Variants in TFEC observed in about 807,000 individuals in gnomAD.
TFEC encodes the protein transcription factor EC.
TFEC carries 31 observed loss-of-function variants against 41.6 expected under a neutral mutation model. The ratio of observed to expected loss-of-function variants is 0.74; its 90% confidence interval spans 0.56 to 1.01. The LOEUF (loss-of-function observed/expected upper bound fraction) is 1.01. Ranked by LOEUF, TFEC falls within the 50% of genes least tolerant of loss-of-function variation. The probability of loss-of-function intolerance (pLI) is 0.00; values close to 1 mark genes in which losing one functional copy is unlikely to be tolerated. For synonymous variants in TFEC, 143 were observed against 140.6 expected (o/e 1.02, Z -0.12); for missense variants, 402 against 404.1 (o/e 0.99, Z 0.04).
At chr7:116,070,791 C>G (rs1195621867) in intron 3 of TFEC, among the ~76,000 whole-genome samples, 1 of 151,068 alleles carries the variant, frequency 6.6e-6, no homozygotes, top group Non-Finnish European at 1.5e-5. Context: ...TTAATAAAAT[C>G]AAAGTTAACA....
intron 3 of TFEC, among the ~76,000 whole-genome samples, chr7:116,072,389 T>C (rs1173747773): frequency 6.6e-6 from 1 of 151,702 alleles, no homozygotes; most frequent in African/African-American, 2.4e-5. Flanking sequence ...TAGCTACAAT[T>C]GTATGTATTT....
chr7:115,951,837 A>G (rs986348903), intron 5 of TFEC, among the ~76,000 whole-genome samples: 1 of 152,066 alleles, frequency 6.6e-6, no homozygotes, highest in African/African-American at 2.4e-5. Context: ...TAAATGTTCA[A>G]CATACAATAT....
At chr7:115,986,839 C>G (rs942361217) in intron 1 of TFEC, among the ~76,000 whole-genome samples, 1 of 151,736 alleles carries the variant, frequency 6.6e-6, no homozygotes, top group Non-Finnish European at 1.5e-5. Context: ...AGCACACCAA[C>G]ATGGCACATG....
chr7:116,131,096 A>C (rs1798323159), intron 1 of TFEC, among the ~76,000 whole-genome samples: 5 of 152,228 alleles, frequency 3.3e-5, no homozygotes, highest in Admixed American at 3.3e-4. Context: ...TTAAGACCCA[A>C]GATCTGATTT....
intron 3 of TFEC, among the ~76,000 whole-genome samples, chr7:116,060,444 A>G (rs1004725876): frequency 5.5e-4 from 83 of 152,130 alleles, no homozygotes; most frequent in Non-Finnish European, 9.0e-4. Context: ...TCACAATATC[A>G]GAAACATGGA....
intron 3 of TFEC, 51 bp downstream of exon 3, chr7:115,974,119 G>C (rs1224817245): frequency 1.1e-5 from 16 of 1,403,118 alleles, no homozygotes; most frequent in African/African-American, 1.5e-5. Context: ...TTTATTATCA[G>C]AGTGTATTCA....
At chr7:116,150,265 A>C (rs924677226) in intron 1 of TFEC, among the ~76,000 whole-genome samples, 1 of 152,168 alleles carries the variant, frequency 6.6e-6, no homozygotes, top group African/African-American at 2.4e-5. Flanking sequence ...CTTCTGTTTA[A>C]GCTCCTCTTC....
At chr7:116,140,450 C>G (rs1230199423) in intron 1 of TFEC, among the ~76,000 whole-genome samples, 1 of 152,198 alleles carries the variant, frequency 6.6e-6, no homozygotes, top group Admixed American at 6.5e-5. Context: ...GCTCCAAAGA[C>G]TACCTCAGCA....
intron 1 of TFEC, among the ~76,000 whole-genome samples, chr7:115,985,371 T>C (rs1042556902): frequency 3.9e-5 from 6 of 152,140 alleles, no homozygotes; most frequent in Non-Finnish European, 7.4e-5. Flanking sequence ...CCTGTGAACG[T>C]AGTTTTGCCT....
intron 4 of TFEC, among the ~76,000 whole-genome samples, chr7:115,954,852 A>T (rs1298843749): frequency 6.6e-6 from 1 of 151,980 alleles, no homozygotes; most frequent in Non-Finnish European, 1.5e-5. Context: ...GATAATAAAA[A>T]CTGAATTTAT....
chr7:116,070,076 T>A (rs1340117325), intron 3 of TFEC, among the ~76,000 whole-genome samples: 4 of 151,514 alleles, frequency 2.6e-5, no homozygotes, highest in Non-Finnish European at 4.4e-5. Flanking sequence ...TGCATTTATG[T>A]CTTTACATAA....
intron 7 of TFEC, 47 bp from the exon 8 acceptor site, chr7:115,940,978 T>G: frequency 6.6e-7 from 1 of 1,511,658 alleles, no homozygotes; most frequent in South Asian, 1.3e-5. Flanking sequence ...TGAAATTGGA[T>G]TTAACACTAG....
At chr7:115,982,488 T>C (rs1360755109) in intron 2 of TFEC, among the ~76,000 whole-genome samples, 1 of 152,190 alleles carries the variant, frequency 6.6e-6, no homozygotes, top group Non-Finnish European at 1.5e-5. Context: ...AGATAGTAAG[T>C]CTGTGAATGA....
intron 2 of TFEC, among the ~76,000 whole-genome samples, chr7:115,976,084 T>C (rs1296620378): frequency 6.6e-6 from 1 of 152,148 alleles, no homozygotes; most frequent in Admixed American, 6.5e-5. Context: ...ATGTGGTTAG[T>C]GTAACTGCGA....
At chr7:116,027,450 G>T (rs573298958) in intron 1 of TFEC, among the ~76,000 whole-genome samples, 1 of 152,132 alleles carries the variant, frequency 6.6e-6, no homozygotes, top group East Asian at 1.9e-4. Flanking sequence ...AAAGAAATTA[G>T]CTGGATATTA....
At chr7:116,091,992 C>T (rs187175890) in intron 3 of TFEC, among the ~76,000 whole-genome samples, 111 of 152,216 alleles carry the variant, frequency 7.3e-4, no homozygotes, top group Non-Finnish European at 1.3e-3. Context: ...CCAACTTTAG[C>T]CCAGAGCAAA....
At chr7:116,074,937 A>G (rs1796920598) in intron 3 of TFEC, among the ~76,000 whole-genome samples, 2 of 152,198 alleles carry the variant, frequency 1.3e-5, no homozygotes, top group Non-Finnish European at 2.9e-5. Flanking sequence ...TTTGCCAATA[A>G]AAACGAATGA....
intron 3 of TFEC, among the ~76,000 whole-genome samples, chr7:116,087,847 A>C (rs933952883): frequency 6.6e-6 from 1 of 152,104 alleles, no homozygotes; most frequent in African/African-American, 2.4e-5. Flanking sequence ...TCAGAGCCAA[A>C]AGGCTTACTT....
intron 1 of TFEC, among the ~76,000 whole-genome samples, chr7:115,996,439 A>G (rs1794370043): frequency 6.6e-6 from 1 of 152,046 alleles, no homozygotes; most frequent in Non-Finnish European, 1.5e-5. Flanking sequence ...CCCAGGCAGT[A>G]CTTGTGATGG....
Sources: gnomAD v4.1 joint callset for allele counts (sites outside exome capture counted in the v4.1 genomes callset) on GRCh38, gnomAD v4.1.1 for gene constraint, MANE v1.5 for transcripts, NCBI Gene and HGNC (gene_info 2026-07-23, HGNC 2026-07-21) for gene names.